The following GRIK4 variants were observed in gnomAD, a reference collection of about 807,000 sequenced individuals.
GRIK4 encodes the protein glutamate receptor ionotropic, kainate 4.
A neutral mutation model predicts 104.9 loss-of-function variants in GRIK4; 40 were observed. The ratio of observed to expected loss-of-function variants is 0.38; its 90% confidence interval spans 0.30 to 0.50. The LOEUF (loss-of-function observed/expected upper bound fraction) is 0.50, where lower values mean the gene tolerates loss of function less well. Ranked by LOEUF, GRIK4 falls within the 20% of genes least tolerant of loss-of-function variation. The pLI is 0.93. For missense variants in GRIK4, 1,047 were observed against 1,308.1 expected, an observed-to-expected ratio of 0.80 and a Z score of 3.08; for synonymous variants, 485 against 524.9, an observed-to-expected ratio of 0.92 and a Z score of 1.04.
rs1464319068 is a variant in GRIK4, at chr11:120,905,750, T to G, written c.1476+257T>G. Among the ~76,000 whole-genome samples the G allele has an allele frequency of 6.6e-6, 1 of 152,228 alleles. No homozygotes were observed. The highest frequency in any genetic ancestry group is 1.5e-5 in the Non-Finnish European group (1 of 68,040). ...ACAAGTCATGGAGGCTCTGATTGATTAACACAGATGAGGGAGTTTGGGTTC... is the reference window on the plus strand; with the variant it reads ...ACAAGTCATGGAGGCTCTGATTGATGAACACAGATGAGGGAGTTTGGGTTC... On this transcript the variant is annotated intron_variant, in intron 13 of 20. Coordinates refer to ENST00000527524, the MANE Select transcript of GRIK4 (RefSeq NM_014619.5). This position sits in a 1 kb window ranked among gnomAD's most constrained non-coding sequence, Gnocchi z 5.1.
rs1220358076 is a variant in GRIK4, at chr11:120,963,496, TCA to T, written c.2266+825_2266+826del. Reference sequence around the variant, plus strand: ...GCTTCTGACATGCACACTTGCCCCTTCACACACACACCATAGAGAGCCCGTGC... The same window carrying T: ...GCTTCTGACATGCACACTTGCCCCTTCACACACACCATAGAGAGCCCGTGC... On this transcript the variant is annotated intron_variant, in intron 18 of 20. Transcript: ENST00000527524. 2.6e-5 allele frequency among the ~76,000 whole-genome samples: 4 copies of T among 152,110 alleles called. No homozygotes were observed. In the East Asian group the frequency reaches 7.7e-4, roughly 29 times the overall value.
At chr11:120,937,298 C>T (rs1459435567) in intron 13 of GRIK4, among the ~76,000 whole-genome samples, 3 of 152,262 alleles carry the variant, frequency 2.0e-5, no homozygotes, top group South Asian at 2.1e-4. Flanking sequence ...CTCAGCCTCC[C>T]GAAGTGTTGG....
intron 1 of GRIK4, among the ~76,000 whole-genome samples, chr11:120,563,788 C>A (rs367923832): frequency 6.6e-6 from 1 of 152,220 alleles, no homozygotes; most frequent in Non-Finnish European, 1.5e-5. Flanking sequence ...ACCTCCTGAG[C>A]TACCCAGGGC....
At chr11:120,938,205 G>T (rs1943640201) in intron 13 of GRIK4, among the ~76,000 whole-genome samples, 1 of 152,168 alleles carries the variant, frequency 6.6e-6, no homozygotes, top group Non-Finnish European at 1.5e-5. Context: ...TTGTGGAGGG[G>T]CTGAGGCTCT....
At chr11:120,611,308 G>C (rs1949034933) in intron 1 of GRIK4, among the ~76,000 whole-genome samples, 1 of 152,084 alleles carries the variant, frequency 6.6e-6, no homozygotes, top group South Asian at 2.1e-4. Context: ...TCATCTCTTC[G>C]GGCCTTAGTA....
chr11:120,518,752 G>A (rs939971165), intron 1 of GRIK4, among the ~76,000 whole-genome samples: 6 of 152,162 alleles, frequency 3.9e-5, no homozygotes, highest in African/African-American at 1.4e-4. Context: ...CTGAGTAGCT[G>A]GAATTACAGG....
chr11:120,625,139 G>C (rs1296854534), intron 1 of GRIK4, among the ~76,000 whole-genome samples: 6 of 152,158 alleles, frequency 3.9e-5, no homozygotes, highest in Non-Finnish European at 8.8e-5. Flanking sequence ...GCCGGGCATG[G>C]TGGCATGCAC....
At chr11:120,725,363 C>G (rs1425901719) in intron 3 of GRIK4, among the ~76,000 whole-genome samples, 1 of 152,170 alleles carries the variant, frequency 6.6e-6, no homozygotes, top group African/African-American at 2.4e-5. Flanking sequence ...GGGCTTTAGT[C>G]TAGGTCCTGT....
intron 9 of GRIK4, 165 bp downstream of exon 9, chr11:120,862,285 G>A: frequency 1.6e-6 from 1 of 631,448 alleles, no homozygotes; most frequent in East Asian, 2.7e-5. Context: ...TGCAGGGTAT[G>A]AGGTTTGGGA....
chr11:120,751,133 G>GC (rs1565331224), intron 3 of GRIK4, among the ~76,000 whole-genome samples: 1 of 151,908 alleles, frequency 6.6e-6, no homozygotes, highest in Non-Finnish European at 1.5e-5. Context: ...CCTTGGCATG[G>GC]CCCCCCAGGC....
At chr11:120,640,343 T>C (rs1342512712) in intron 1 of GRIK4, among the ~76,000 whole-genome samples, 3 of 152,200 alleles carry the variant, frequency 2.0e-5, no homozygotes, top group Non-Finnish European at 4.4e-5. Flanking sequence ...GGACAGAAAA[T>C]TCTACCTGTG....
chr11:120,817,108 T>G (rs965958850), intron 5 of GRIK4, among the ~76,000 whole-genome samples: 20 of 152,086 alleles, frequency 1.3e-4, no homozygotes, highest in Non-Finnish European at 2.8e-4. Flanking sequence ...CTCCCCATCT[T>G]CTCTCTTCTG....
intron 1 of GRIK4, among the ~76,000 whole-genome samples, chr11:120,515,764 A>G (rs1024525812): frequency 6.6e-5 from 10 of 152,268 alleles, no homozygotes; most frequent in Admixed American, 5.2e-4. Flanking sequence ...TACATAAAAT[A>G]GGGTATGCCT....
chr11:120,784,675 G>A (rs1952228664), intron 3 of GRIK4, among the ~76,000 whole-genome samples: 1 of 152,102 alleles, frequency 6.6e-6, no homozygotes, highest in Non-Finnish European at 1.5e-5. Flanking sequence ...TCAGAAGACA[G>A]CATGGAGTGA....
chr11:120,855,564 C>CTTTTTTTTTTTTTTTTTTTTTTGTTTTT (rs10717552), intron 8 of GRIK4, among the ~76,000 whole-genome samples: 1 of 145,036 alleles, frequency 6.9e-6, no homozygotes, highest in African/African-American at 2.5e-5. Context: ...CTTATGGTGA[C>CTTTTTTTTTTTTTTTTTTTTTTGTTTTT]TTTTTTTTTT....
At chr11:120,977,142 T>C (rs1192038606) in intron 19 of GRIK4, among the ~76,000 whole-genome samples, 1 of 152,234 alleles carries the variant, frequency 6.6e-6, no homozygotes, top group Non-Finnish European at 1.5e-5. Context: ...AGTTAGTATT[T>C]AGCCAACCAG....
intron 3 of GRIK4, among the ~76,000 whole-genome samples, chr11:120,722,275 C>T (rs922331297): frequency 2.6e-5 from 4 of 152,156 alleles, no homozygotes; most frequent in Admixed American, 1.3e-4. Flanking sequence ...CTACTACTTC[C>T]GCCATGATGG....
chr11:120,596,550 G>A (rs1480756374), intron 1 of GRIK4, among the ~76,000 whole-genome samples: 1 of 152,160 alleles, frequency 6.6e-6, no homozygotes, highest in Admixed American at 6.5e-5. Context: ...AGGTGTGTAT[G>A]TCTATGCCTT....
intron 20 of GRIK4, among the ~76,000 whole-genome samples, chr11:120,984,986 G>A (rs527825155): frequency 3.3e-5 from 5 of 151,782 alleles, no homozygotes; most frequent in East Asian, 3.9e-4. Flanking sequence ...ACGCCACCAC[G>A]CCCAGCTAAA....
Sources: gnomAD v4.1 joint callset for allele counts (sites outside exome capture counted in the v4.1 genomes callset) on GRCh38, gnomAD v4.1.1 for gene constraint, Gnocchi (gnomAD v3.1) non-coding constraint, MANE v1.5 for transcripts, NCBI Gene and HGNC (gene_info 2026-07-23, HGNC 2026-07-21) for gene names.